UBE4B: variants seen among roughly 807,000 people sequenced by gnomAD.
UBE4B encodes ubiquitination factor E4B, also known as ubiquitin conjugation factor E4 B.
In UBE4B, 27 loss-of-function variants were observed where a neutral mutation model predicts 148.1. That is an observed-to-expected ratio of 0.18 (90% CI 0.13 to 0.25). The LOEUF (loss-of-function observed/expected upper bound fraction) is 0.25. Ranked by LOEUF, UBE4B falls within the 10% of genes least tolerant of loss-of-function variation. The pLI, the probability that UBE4B is intolerant of heterozygous loss-of-function variation, is 1.00. For missense variants in UBE4B, 1,170 were observed against 1,662.4 expected (o/e 0.70, Z 5.15); for synonymous variants, 596 against 619.3 (o/e 0.96, Z 0.56).
At chr1:10,123,843 G>T (rs931131894) in intron 10 of UBE4B, among the ~76,000 whole-genome samples, 2 of 152,052 alleles carry the variant, frequency 1.3e-5, no homozygotes, top group Non-Finnish European at 2.9e-5. Context: ...GCATGATCTC[G>T]GCTCACTGCA....
At chr1:10,104,352 A>G (rs1570896676) in intron 5 of UBE4B, among the ~76,000 whole-genome samples, 1 of 152,080 alleles carries the variant, frequency 6.6e-6, no homozygotes, top group South Asian at 2.1e-4. Flanking sequence ...AACGCAGAAG[A>G]GGTATGGGAG....
intron 1 of UBE4B, among the ~76,000 whole-genome samples, chr1:10,068,879 G>A (rs561292687): frequency 6.6e-6 from 1 of 152,280 alleles, no homozygotes; most frequent in African/African-American, 2.4e-5. Flanking sequence ...AGCCCAGAAC[G>A]CTGCCCCCTG....
At chr1:10,034,644 G>T (rs1207417240) in intron 1 of UBE4B, among the ~76,000 whole-genome samples, 1 of 152,150 alleles carries the variant, frequency 6.6e-6, no homozygotes, top group African/African-American at 2.4e-5. Context: ...GGTTCATCAT[G>T]TAAACTTCCC....
intron 2 of UBE4B, among the ~76,000 whole-genome samples, chr1:10,082,114 T>G (rs1266287631): frequency 6.6e-6 from 1 of 152,212 alleles, no homozygotes; most frequent in Non-Finnish European, 1.5e-5. Flanking sequence ...TAAATTCACG[T>G]AGGCTTCACT....
intron 8 of UBE4B, among the ~76,000 whole-genome samples, chr1:10,117,955 A>G (rs1440355033): frequency 1.3e-5 from 2 of 152,210 alleles, no homozygotes; most frequent in Non-Finnish European, 2.9e-5. Flanking sequence ...TAGATTGCCA[A>G]GGACTGTGCC....
Position 10,033,836 on chromosome 1 carries a change from C to T in UBE4B, c.24+142C>T, listed in dbSNP as rs919636996. The stretch of plus-strand genomic sequence containing the variant: ...ATATTTTCCAAGAATAACGTGACTC[C>T]CCGATAGGGTCTCTGGTTTTGTTCT... On this transcript the variant is annotated intron_variant, in intron 1 of 27. Transcript: ENST00000343090. 3 of 830,220 alleles carry T rather than the reference C, an allele frequency of 3.6e-6. No homozygotes were observed. In the South Asian group the frequency reaches 8.7e-5, roughly 24 times the overall value. 51.4% of individuals were successfully genotyped at this position (830,220 alleles called of 1,614,324 possible).
chr1:10,071,818 G>A (rs575095685), intron 1 of UBE4B, among the ~76,000 whole-genome samples: 3 of 152,162 alleles, frequency 2.0e-5, no homozygotes, highest in Non-Finnish European at 2.9e-5. Context: ...GGCAGGCACC[G>A]CTGAACCTGG....
chr1:10,097,308 GAAAATTAAA>G (rs1644944494), intron 3 of UBE4B, among the ~76,000 whole-genome samples: 3 of 151,382 alleles, frequency 2.0e-5, no homozygotes, highest in African/African-American at 7.3e-5. Context: ...TTTCTGGGTA[GAAAATTAAA>G]ATTGTAGTGA....
intron 2 of UBE4B, among the ~76,000 whole-genome samples, chr1:10,086,263 G>A (rs867301640): frequency 1.3e-5 from 2 of 152,106 alleles, no homozygotes; most frequent in African/African-American, 2.4e-5. Flanking sequence ...GAGCCACTGC[G>A]CCTGGCCAAT....
chr1:10,076,288 A>G (rs532587363), intron 2 of UBE4B, among the ~76,000 whole-genome samples: 2 of 139,356 alleles, frequency 1.4e-5, no homozygotes, highest in East Asian at 2.1e-4. Flanking sequence ...TCTGTTGCCT[A>G]GGCTGGAGTG....
chr1:10,076,213 G>C (rs115620463), intron 2 of UBE4B, among the ~76,000 whole-genome samples: 5,436 of 149,082 alleles, frequency 0.036, 152 homozygotes, highest in South Asian at 0.085. Flanking sequence ...AGAGATTTTT[G>C]TTCCAGACTC....
chr1:10,179,530 G>A lies in UBE4B; in HGVS notation c.3815G>A (p.Arg1272Gln). The change falls in exon 27 of 28, where the codon CGG becomes CAG. Residue 1272 changes from arginine to glutamine, a missense_variant. Transcript: ENST00000343090. The stretch of plus-strand genomic sequence containing the variant: ...AACTCCCCCACGGACCCCTTCAACC[G>A]GCAGACGCTGACAGAGAGCATGCTG... ...LLNSPTDPFN[R>Q]QTLTESMLEP... The A allele has an allele frequency of 6.2e-7, 1 of 1,613,724 alleles. No individual in the cohort carries two copies. The highest frequency in any genetic ancestry group is 8.5e-7 in the Non-Finnish European group (1 of 1,180,016).
At chr1:10,063,150 C>T (rs1198903158) in intron 1 of UBE4B, among the ~76,000 whole-genome samples, 1 of 152,062 alleles carries the variant, frequency 6.6e-6, no homozygotes, top group Admixed American at 6.5e-5. Flanking sequence ...TGCCTGTAGT[C>T]CCAGCCACTG....
rs868658711 is a variant in UBE4B at position 10,151,473 on chromosome 1, G to A, written c.2838G>A (p.Gln946=). 1.1e-5 allele frequency: 17 copies of A among 1,614,016 alleles called. No individual in the cohort carries two copies. In the Middle Eastern group the frequency reaches 4.9e-4, roughly 47 times the overall value. ...TGTTTATGACCAACCCTGCTGTTCA[G>A]CCACGAACCCAGAAGTTTTTTGAAA... ...EVMFMTNPAV[Q]PRTQKFFEMI... is the part of the protein sequence containing the mutation. The change falls in exon 21 of 28, where the codon CAG becomes CAA. Residue 946 remains glutamine, a synonymous_variant. Coordinates refer to ENST00000343090, the MANE Select transcript of UBE4B (RefSeq NM_001105562.3).
chr1:10,110,036 T>G (rs534325986), intron 7 of UBE4B, among the ~76,000 whole-genome samples: 123 of 152,312 alleles, frequency 8.1e-4, no homozygotes, highest in Admixed American at 1.8e-3. Flanking sequence ...AAAGAAATAG[T>G]ACTTTATCCT....
intron 1 of UBE4B, among the ~76,000 whole-genome samples, chr1:10,035,942 A>G (rs1643509674): frequency 6.8e-6 from 1 of 147,600 alleles, no homozygotes; most frequent in South Asian, 2.1e-4. Flanking sequence ...ACGGGGTTTC[A>G]CCGTGTTAGC....
At chr1:10,167,998 C>G (rs1049838351) in intron 23 of UBE4B, 138 bp from the exon 24 acceptor site, 3 of 1,072,120 alleles carry the variant, frequency 2.8e-6, no homozygotes, top group Non-Finnish European at 3.8e-6. Flanking sequence ...CTTCAGTTAT[C>G]TGGGACATGT....
intron 2 of UBE4B, among the ~76,000 whole-genome samples, chr1:10,082,278 C>G (rs1029538148): frequency 6.6e-6 from 1 of 151,892 alleles, no homozygotes; most frequent in African/African-American, 2.4e-5. Context: ...GTGGGAGGAT[C>G]GCTTGAACCC....
chr1:10,124,418 C>T (rs770365004), intron 10 of UBE4B, among the ~76,000 whole-genome samples: 2 of 152,072 alleles, frequency 1.3e-5, no homozygotes, highest in Non-Finnish European at 2.9e-5. Context: ...GAACTCTTGG[C>T]CTCAAGTGGT....
Sources: allele counts gnomAD v4.1 joint callset (sites outside exome capture counted in the v4.1 genomes callset), GRCh38; gene constraint gnomAD v4.1.1; transcripts MANE v1.5; gene names NCBI Gene and HGNC (gene_info 2026-07-23, HGNC 2026-07-21).